Variants in PARP11 observed in about 807,000 individuals in gnomAD.
The protein encoded by PARP11 is protein mono-ADP-ribosyltransferase PARP11.
Under a neutral mutation model 42.9 loss-of-function variants are expected in PARP11, and 31 were observed. That is an observed-to-expected ratio of 0.72 (90% CI 0.54 to 0.98). The LOEUF is 0.98. Ranked by LOEUF, PARP11 falls within the 50% of genes least tolerant of loss-of-function variation. The pLI, the probability that PARP11 is intolerant of heterozygous loss-of-function variation, is 0.00. For missense variants in PARP11, 365 were observed against 413.1 expected, an observed-to-expected ratio of 0.88 and a Z score of 1.01; for synonymous variants, 137 against 127.3, an observed-to-expected ratio of 1.08 and a Z score of -0.51.
At chr12:3,846,514 T>C (rs1463857989) in intron 1 of PARP11, among the ~76,000 whole-genome samples, 1 of 152,066 alleles carries the variant, frequency 6.6e-6, no homozygotes, top group Non-Finnish European at 1.5e-5. Flanking sequence ...CCCAGCACTT[T>C]GGGAGGCCAA....
At chr12:3,812,868 T>C (rs1382977737) in intron 7 of PARP11, among the ~76,000 whole-genome samples, 1 of 152,202 alleles carries the variant, frequency 6.6e-6, no homozygotes, top group East Asian at 1.9e-4. Context: ...AGTGGCGCGA[T>C]CTCAGCTCAC....
In PARP11 at chr12:3,873,317, C is replaced by G. The variant is rs1952773986; in HGVS notation, c.-88G>C. ...TGGATTTTTTTTTTTCCCGCGGGTC[C>G]CCGGGAGCGAAGGGACGGAGATGCA... On this transcript the variant is annotated 5_prime_UTR_variant, in exon 1 of 8. Coordinates refer to ENST00000228820, the MANE Select transcript of PARP11 (RefSeq NM_020367.6). 7.7e-7 allele frequency: 1 copy of G among 1,301,506 alleles called. No homozygotes were observed. The highest frequency in any genetic ancestry group is 1.3e-5 in the South Asian group (1 of 78,894). The allele number at this position is 1,301,506 out of a possible 1,614,324, so 80.6% of individuals were successfully genotyped here.
chr12:3,839,722 C>A, intron 1 of PARP11: 3 of 1,065,930 alleles, frequency 2.8e-6, no homozygotes, highest in Non-Finnish European at 2.9e-6. Flanking sequence ...AAAGGTGTTA[C>A]TGTGTTTTTC....
chr12:3,816,421 A>C (rs1006801455), intron 6 of PARP11, among the ~76,000 whole-genome samples: 4 of 152,202 alleles, frequency 2.6e-5, no homozygotes, highest in African/African-American at 9.7e-5. Context: ...CTCTTTGCGT[A>C]AGACTTTTTG....
chr12:3,825,780 G>A (rs990404792), intron 4 of PARP11, among the ~76,000 whole-genome samples: 2 of 151,976 alleles, frequency 1.3e-5, no homozygotes, highest in Non-Finnish European at 2.9e-5. Flanking sequence ...TTGGAGTGGC[G>A]CAGTGGTGCC....
intron 1 of PARP11, among the ~76,000 whole-genome samples, chr12:3,834,936 T>G (rs1947725939): frequency 1.3e-5 from 2 of 152,170 alleles, no homozygotes; most frequent in African/African-American, 4.8e-5. Flanking sequence ...CACAAGGGTC[T>G]GAATCACCAC....
At chr12:3,847,064 G>A (rs998023103) in intron 1 of PARP11, among the ~76,000 whole-genome samples, 3 of 152,084 alleles carry the variant, frequency 2.0e-5, no homozygotes, top group Non-Finnish European at 1.5e-5. Context: ...TCAACAGAGA[G>A]AGATCCTGTA....
chr12:3,866,448 G>A (rs994147447), intron 1 of PARP11, among the ~76,000 whole-genome samples: 1 of 152,110 alleles, frequency 6.6e-6, no homozygotes, highest in Non-Finnish European at 1.5e-5. Context: ...GGCATTTTCA[G>A]GGGCAAAGTA....
intron 1 of PARP11, chr12:3,872,424 A>G (rs1210725747): frequency 7.6e-6 from 5 of 659,602 alleles, no homozygotes; most frequent in East Asian, 1.4e-4. Flanking sequence ...GAAAGGTACT[A>G]AAGTTTTCGG....
At chr12:3,818,239 A>G (rs1034042618) in intron 6 of PARP11, among the ~76,000 whole-genome samples, 65 of 151,896 alleles carry the variant, frequency 4.3e-4, no homozygotes, top group Admixed American at 2.1e-3. Flanking sequence ...TTTCCCTCTT[A>G]TCAACACCTC....
intron 1 of PARP11, among the ~76,000 whole-genome samples, chr12:3,832,390 T>C (rs1448536575): frequency 1.3e-5 from 2 of 152,174 alleles, no homozygotes; most frequent in Non-Finnish European, 2.9e-5. Flanking sequence ...CAGCTAGCAG[T>C]ACAGAGAATA....
At chr12:3,838,768 C>G (rs899943534) in intron 1 of PARP11, among the ~76,000 whole-genome samples, 2 of 152,214 alleles carry the variant, frequency 1.3e-5, no homozygotes, top group African/African-American at 4.8e-5. Flanking sequence ...GCTCCCCGCC[C>G]CTCCGGCGCC....
intron 1 of PARP11, among the ~76,000 whole-genome samples, chr12:3,848,324 T>G (rs981772878): frequency 6.6e-6 from 1 of 152,114 alleles, no homozygotes; most frequent in African/African-American, 2.4e-5. Context: ...AAAATTTATA[T>G]AGAACCACAA....
At chr12:3,842,151 G>T in intron 1 of PARP11, 2 of 1,612,010 alleles carry the variant, frequency 1.2e-6, no homozygotes, top group South Asian at 1.1e-5. Flanking sequence ...AGAAAAAACA[G>T]AAAAAGTAAA....
In PARP11 at chr12:3,840,530, T is replaced by C. The variant is rs1947863737; in HGVS notation, c.19-10512A>G. The C allele has an allele frequency of 1.9e-6, 3 of 1,609,558 alleles. No individual in the cohort carries two copies. In the East Asian group the frequency reaches 6.7e-5, roughly 36 times the overall value. Reference sequence around the variant, plus strand: ...AAATTCTCCAGTGAGCACAAAAATCTTAGCCGGACACCTTCACAGATCATA... The same window carrying C: ...AAATTCTCCAGTGAGCACAAAAATCCTAGCCGGACACCTTCACAGATCATA... On this transcript the variant is annotated intron_variant, in intron 1 of 7. Coordinates refer to ENST00000228820, the MANE Select transcript of PARP11 (RefSeq NM_020367.6). The surrounding 1 kb of genome is among the most constrained non-coding windows in gnomAD (Gnocchi z 4.4).
chr12:3,829,965 C>A lies in PARP11; in HGVS notation c.72G>T (p.Val24=). The part of the protein sequence containing the change: ...ELFSKTTNNE[V]DDMDTSDTQW... ...GGGTATCTGACGTGTCCATGTCATC[C>A]ACTTCATTGTTTGTTGTTTTAGAAA... Residue 24 remains valine, a synonymous_variant, in exon 2 of 8, where the codon GTG becomes GTT. Transcript: ENST00000228820. The A allele has an allele frequency of 6.2e-7, 1 of 1,613,480 alleles. No individual in the cohort carries two copies. Among genetic ancestry groups the A allele is most frequent in the Non-Finnish European group, 8.5e-7 (1 of 1,179,412 alleles).
intron 1 of PARP11, among the ~76,000 whole-genome samples, chr12:3,859,125 T>C (rs1456248365): frequency 6.6e-6 from 1 of 151,268 alleles, no homozygotes; most frequent in Non-Finnish European, 1.5e-5. Flanking sequence ...AAATATTATA[T>C]AAAATTACCT....
intron 2 of PARP11, 29 bp downstream of exon 2, chr12:3,829,861 C>A: frequency 6.2e-7 from 1 of 1,612,332 alleles, no homozygotes; most frequent in Non-Finnish European, 8.5e-7. Flanking sequence ...ATCGAAAACA[C>A]TTCTGCTAAA....
chr12:3,842,606 G>T (rs552173156), intron 1 of PARP11: 1 of 871,788 alleles, frequency 1.1e-6, no homozygotes, highest in East Asian at 2.4e-5. Flanking sequence ...AAAAACCCCA[G>T]TTGGAACTCT....
Sources: gnomAD v4.1 joint callset for allele counts (sites outside exome capture counted in the v4.1 genomes callset) on GRCh38, gnomAD v4.1.1 for gene constraint, Gnocchi (gnomAD v3.1) non-coding constraint, MANE v1.5 for transcripts, NCBI Gene and HGNC (gene_info 2026-07-23, HGNC 2026-07-21) for gene names.